GAPVD1: variants seen among roughly 807,000 people sequenced by gnomAD.
GAPVD1 encodes the protein GTPase activating protein and VPS9 domains 1.
In GAPVD1, 35 loss-of-function variants were observed where a neutral mutation model predicts 155.5. The observed-to-expected ratio is 0.23, with a 90% confidence interval of 0.17 to 0.30. The LOEUF (loss-of-function observed/expected upper bound fraction) is 0.30. Among genes scored for constraint, GAPVD1 ranks in the 10% least tolerant of loss-of-function variants. The pLI is 1.00. For synonymous variants in GAPVD1, 636 were observed against 619.7 expected, an observed-to-expected ratio of 1.03 and a Z score of -0.39; for missense variants, 1,429 against 1,775.7, an observed-to-expected ratio of 0.80 and a Z score of 3.51.
At chr9:125,323,365 G>C (rs1344700873) in intron 10 of GAPVD1, among the ~76,000 whole-genome samples, 1 of 151,890 alleles carries the variant, frequency 6.6e-6, no homozygotes, top group Admixed American at 6.6e-5. Flanking sequence ...GAGTGCAGTG[G>C]CGCGATCTCG....
intron 22 of GAPVD1, 73 bp from the exon 23 acceptor site, chr9:125,350,640 C>T: frequency 5.4e-6 from 5 of 928,868 alleles, no homozygotes; most frequent in Non-Finnish European, 8.3e-6. Flanking sequence ...ATTGACGTCC[C>T]AAATGCTGAA....
At chr9:125,316,374 C>T (rs1843427317) in intron 9 of GAPVD1, among the ~76,000 whole-genome samples, 1 of 152,138 alleles carries the variant, frequency 6.6e-6, no homozygotes, top group Non-Finnish European at 1.5e-5. Context: ...GTTCCCCTCC[C>T]TGTGTCCATG....
intron 2 of GAPVD1, among the ~76,000 whole-genome samples, chr9:125,273,014 A>T (rs1402525050): frequency 6.6e-6 from 1 of 152,210 alleles, no homozygotes; most frequent in Non-Finnish European, 1.5e-5. Flanking sequence ...TCCTCAAAGC[A>T]TGGGGGTTGT....
Position 125,323,064 on chromosome 9 carries a change from A to G in GAPVD1, c.1733-734A>G, listed in dbSNP as rs568881815. Among the ~76,000 whole-genome samples the G allele has an allele frequency of 9.3e-3, 1,407 of 151,608 alleles. 25 individuals carry two copies. Among genetic ancestry groups the G allele is most frequent in the African/African-American group, 0.032 (1,333 of 41,376 alleles). ...CGAGACTCTCTCTAAAAAAAAAAAAAAAAAAGAAGAAAAAGCTCTATAACA... is the reference window on the plus strand; with the variant it reads ...CGAGACTCTCTCTAAAAAAAAAAAAGAAAAAGAAGAAAAAGCTCTATAACA... On this transcript the variant is annotated intron_variant, in intron 10 of 27. Coordinates refer to ENST00000297933, the MANE Select transcript of GAPVD1 (RefSeq NM_001282680.3).
intron 9 of GAPVD1, among the ~76,000 whole-genome samples, chr9:125,315,094 GCTT>G (rs1843219759): frequency 1.3e-5 from 2 of 152,106 alleles, no homozygotes; most frequent in South Asian, 4.1e-4. Flanking sequence ...GCCAGTAGCA[GCTT>G]CTTATATTCA....
At chr9:125,361,693 T>C (rs1374087133) in intron 27 of GAPVD1, among the ~76,000 whole-genome samples, 1 of 152,212 alleles carries the variant, frequency 6.6e-6, no homozygotes, top group African/African-American at 2.4e-5. Flanking sequence ...CTCCTTCCTC[T>C]TTTAGCTTCT....
At chr9:125,282,172 G>A (rs1013737371) in intron 2 of GAPVD1, among the ~76,000 whole-genome samples, 1 of 152,088 alleles carries the variant, frequency 6.6e-6, no homozygotes, top group Non-Finnish European at 1.5e-5. Flanking sequence ...CCAGCTACTC[G>A]GGAGGCTGAG....
chr9:125,347,003 G>A (rs778617329), intron 20 of GAPVD1, 62 bp downstream of exon 20: 1 of 1,539,290 alleles, frequency 6.5e-7, no homozygotes, highest in Non-Finnish European at 8.9e-7. Flanking sequence ...AAGGTAATCT[G>A]AATTTAAGTG....
intron 12 of GAPVD1, among the ~76,000 whole-genome samples, chr9:125,329,313 G>A (rs1047396824): frequency 1.3e-5 from 2 of 152,154 alleles, no homozygotes; most frequent in Non-Finnish European, 2.9e-5. Flanking sequence ...TGACTAATAT[G>A]CTGGAAGAAA....
Position 125,307,864 on chromosome 9 carries a change from G to T in GAPVD1, c.1425G>T (p.Lys475Asn), listed in dbSNP as rs779417104. 3 of 1,608,110 alleles carry T rather than the reference G, an allele frequency of 1.9e-6. No individual in the cohort carries two copies. The highest frequency in any genetic ancestry group is 2.2e-5 in the East Asian group (1 of 44,856). The change falls in exon 8 of 28, where the codon AAG becomes AAT. Residue 475 changes from lysine (K) to asparagine (N), a missense_variant. Physicochemically the swap from Lys to Asn is moderately conservative, Grantham distance 94. This residue lies in a region of GAPVD1 where 628 missense variants were observed against 733.4 expected (regional missense o/e 0.86). Transcript: ENST00000297933. ...LSPATTPANKKNRLPIATRSR... is the reference protein window; with the variant it reads ...LSPATTPANKNNRLPIATRSR... ...CAGCAACCACTCCAGCAAATAAAAA[G>T]AATCGATTACCTATAGGTAAAGAGA...
At chr9:125,348,258 T>C (rs1455890974) in intron 20 of GAPVD1, among the ~76,000 whole-genome samples, 1 of 152,172 alleles carries the variant, frequency 6.6e-6, no homozygotes, top group African/African-American at 2.4e-5. Context: ...GGCTTCGCCA[T>C]GTTGCCCAGG....
At chr9:125,304,674 TATAA>T (rs1362547888) in intron 5 of GAPVD1, among the ~76,000 whole-genome samples, 3 of 152,226 alleles carry the variant, frequency 2.0e-5, no homozygotes, top group Non-Finnish European at 4.4e-5. Flanking sequence ...TTGTGAACGC[TATAA>T]GGTAATGTTC....
rs940043331 is a variant in GAPVD1 at position 125,285,032 on chromosome 9, G to A, written c.-149-10426G>A. ...ACAGTGCCTCCTCTCTGTGCTTTGC[G>A]TTAGAGTAGATATGCTTGCTTATCA... On this transcript the variant is annotated intron_variant, in intron 2 of 27. Transcript: ENST00000297933. Among the ~76,000 whole-genome samples the A allele has an allele frequency of 7.2e-5, 11 of 152,272 alleles. No individual in the cohort carries two copies. The East Asian group carries it at 7.7e-4, about 11-fold the overall frequency.
At chr9:125,317,312 T>C (rs1172006652) in intron 9 of GAPVD1, among the ~76,000 whole-genome samples, 4 of 146,610 alleles carry the variant, frequency 2.7e-5, no homozygotes, top group Non-Finnish European at 3.0e-5. Context: ...AGCGAGACTC[T>C]GTCTCAAAAA....
At chr9:125,330,352 T>C in intron 13 of GAPVD1, 134 bp downstream of exon 13, 1 of 539,216 alleles carries the variant, frequency 1.9e-6, no homozygotes, top group Non-Finnish European at 3.1e-6. Context: ...GGAGTCTTGC[T>C]CTTTTACCCA....
chr9:125,328,655 C>G (rs1193945109), intron 12 of GAPVD1, among the ~76,000 whole-genome samples: 1 of 150,726 alleles, frequency 6.6e-6, no homozygotes, highest in East Asian at 2.0e-4. Context: ...CCACCTTTCC[C>G]GCCTTTCTAT....
intron 15 of GAPVD1, among the ~76,000 whole-genome samples, chr9:125,333,255 A>G (rs1846349922): frequency 6.7e-6 from 1 of 150,156 alleles, no homozygotes. Flanking sequence ...TAATTTTTCT[A>G]TTTTTAGTAG....
rs752692833 is a variant in GAPVD1, at chr9:125,354,767, A to G, written c.3683A>G (p.Asn1228Ser). The G allele has an allele frequency of 3.5e-5, 56 of 1,613,848 alleles. No homozygotes were observed. In the East Asian group the frequency reaches 8.5e-4, roughly 24 times the overall value. Reference sequence around the variant, plus strand: ...GTTTTGCGGGACAAAGAAGTGGCCAATCGATACTTTACCACTGTCTGTGTG... The same window carrying G: ...GTTTTGCGGGACAAAGAAGTGGCCAGTCGATACTTTACCACTGTCTGTGTG... ...QRVLRDKEVA[N>S]RYFTTVCVRL... is the part of the protein sequence containing the mutation. Residue 1228 changes from asparagine (N) to serine (S), a missense_variant, in exon 24 of 28, where the codon AAT becomes AGT. Around this residue, in one of 4 missense-constraint regions of GAPVD1, gnomAD observed 699 missense variants for 826.0 expected, o/e 0.85. Coordinates refer to ENST00000297933, the MANE Select transcript of GAPVD1 (RefSeq NM_001282680.3).
chr9:125,332,032 C>T lies in GAPVD1; in HGVS notation c.2280C>T (p.Pro760=), dbSNP rs1166452932. The change falls in exon 14 of 28, where the codon CCC becomes CCT. Residue 760 remains proline, a synonymous_variant. Transcript: ENST00000297933. ...DTDVREVSSR[P]STPGLSVVSG... ...ATGTCAGGGAGGTCAGTTCCCGCCC[C>T]AGCACACCAGGCCTCAGTGTTGTGT... The T allele has an allele frequency of 6.2e-7, 1 of 1,614,006 alleles. No individual in the cohort carries two copies. The highest frequency in any genetic ancestry group is 8.5e-7 in the Non-Finnish European group (1 of 1,179,988).
Sources: allele counts gnomAD v4.1 joint callset (sites outside exome capture counted in the v4.1 genomes callset), GRCh38; gene constraint gnomAD v4.1.1; regional missense constraint gnomAD v4.1.1; transcripts MANE v1.5; gene names NCBI Gene and HGNC (gene_info 2026-07-23, HGNC 2026-07-21).